RBFOX1: variants seen among roughly 807,000 people sequenced by gnomAD.
RBFOX1 encodes the protein RNA binding protein fox-1 homolog 1.
Under a neutral mutation model 57.7 loss-of-function variants are expected in RBFOX1, and 8 were observed. That is an observed-to-expected ratio of 0.14 (90% CI 0.08 to 0.25). RBFOX1 has a LOEUF of 0.25. Ranked by LOEUF, RBFOX1 falls within the 10% of genes least tolerant of loss-of-function variation. RBFOX1 has a pLI of 1.00. For synonymous variants in RBFOX1, 326 were observed against 222.4 expected, an observed-to-expected ratio of 1.47 and a Z score of -4.15; for missense variants, 611 against 548.5, an observed-to-expected ratio of 1.11 and a Z score of -1.14.
intron 2 of RBFOX1, among the ~76,000 whole-genome samples, chr16:6,565,743 C>T (rs1035990631): frequency 2.6e-5 from 4 of 152,212 alleles, no homozygotes; most frequent in Non-Finnish European, 5.9e-5. Flanking sequence ...GCTGGGATTA[C>T]AGGTGTGAGT....
chr16:6,486,659 A>ATT (rs71145235), intron 2 of RBFOX1, among the ~76,000 whole-genome samples: 4,548 of 148,816 alleles, frequency 0.031, 238 homozygotes, highest in African/African-American at 0.1. Flanking sequence ...TAATTTTATT[A>ATT]TTTTTTTTTT....
intron 4 of RBFOX1, among the ~76,000 whole-genome samples, chr16:5,929,033 TAAAAAAA>T (rs3041579): frequency 1.6e-5 from 2 of 127,064 alleles, no homozygotes; most frequent in Non-Finnish European, 3.3e-5. Context: ...CTTTCCAATT[TAAAAAAA>T]AAAAAAAAAA....
chr16:6,033,588 TTG>T (rs139964947), intron 1 of RBFOX1, among the ~76,000 whole-genome samples: 11 of 151,682 alleles, frequency 7.3e-5, no homozygotes, highest in South Asian at 2.1e-4. Flanking sequence ...TTCCCTCTCA[TTG>T]TGTGTGTGTG....
At chr16:7,167,746 C>G (rs2079860947) in intron 4 of RBFOX1, among the ~76,000 whole-genome samples, 1 of 152,186 alleles carries the variant, frequency 6.6e-6, no homozygotes, top group South Asian at 2.1e-4. Context: ...GACAGAAACA[C>G]AGCCTTATTC....
chr16:7,159,192 A>C (rs1040346570), intron 4 of RBFOX1, among the ~76,000 whole-genome samples: 41 of 152,094 alleles, frequency 2.7e-4, no homozygotes, highest in African/African-American at 9.2e-4. Flanking sequence ...GCATGTGCTA[A>C]TAGTTGATTG....
intron 2 of RBFOX1, among the ~76,000 whole-genome samples, chr16:6,451,449 G>C (rs763378945): frequency 1.3e-5 from 2 of 152,108 alleles, no homozygotes; most frequent in African/African-American, 2.4e-5. Context: ...GGAATATGGA[G>C]ATGCAAGGAG....
chr16:6,862,137 C>G (rs1008793120), intron 3 of RBFOX1, among the ~76,000 whole-genome samples: 1 of 152,094 alleles, frequency 6.6e-6, no homozygotes, highest in Admixed American at 6.6e-5. Context: ...ACAATAACAA[C>G]AAAAGAGTTT....
At chr16:5,445,641 T>A (rs1424376981) in intron 1 of RBFOX1, among the ~76,000 whole-genome samples, 3 of 152,194 alleles carry the variant, frequency 2.0e-5, no homozygotes, top group Non-Finnish European at 4.4e-5. Context: ...TCTCCCAATT[T>A]ATTTCTGTAG....
At chr16:6,642,071 G>C (rs555710211) in intron 2 of RBFOX1, among the ~76,000 whole-genome samples, 2 of 152,288 alleles carry the variant, frequency 1.3e-5, no homozygotes, top group South Asian at 2.1e-4. Context: ...TGAGGGTGCA[G>C]CTACGGAGAG....
chr16:6,229,597 T>A (rs1176907052), intron 1 of RBFOX1, among the ~76,000 whole-genome samples: 1 of 152,028 alleles, frequency 6.6e-6, no homozygotes, highest in East Asian at 1.9e-4. Context: ...GAGTATGAGC[T>A]AATAGTACTG....
chr16:6,160,543 C>G (rs2096870623), intron 1 of RBFOX1, among the ~76,000 whole-genome samples: 3 of 152,182 alleles, frequency 2.0e-5, no homozygotes. Context: ...ACCAGAGCCT[C>G]ATACACAGAT....
intron 1 of RBFOX1, among the ~76,000 whole-genome samples, chr16:5,313,455 C>T (rs532018329): frequency 1.3e-5 from 2 of 152,288 alleles, no homozygotes; most frequent in East Asian, 1.9e-4. Context: ...CAAACAGGAT[C>T]ATCTACATAT....
At chr16:6,833,674 C>T (rs977434328) in intron 3 of RBFOX1, among the ~76,000 whole-genome samples, 1 of 152,200 alleles carries the variant, frequency 6.6e-6, no homozygotes, top group African/African-American at 2.4e-5. Context: ...CTAGAATTGA[C>T]TGGATGCCAA....
chr16:5,441,401 G>C (rs376350467), intron 1 of RBFOX1, among the ~76,000 whole-genome samples: 1 of 141,758 alleles, frequency 7.1e-6, no homozygotes, highest in African/African-American at 2.6e-5. Flanking sequence ...GTCTCGCAGT[G>C]TCACCTAGGC....
chr16:6,424,765 C>T (rs1232751991), intron 2 of RBFOX1, among the ~76,000 whole-genome samples: 1 of 152,110 alleles, frequency 6.6e-6, no homozygotes, highest in African/African-American at 2.4e-5. Flanking sequence ...AATAATTCCT[C>T]TTCTAAGATG....
chr16:6,585,328 A>T (rs908564155), intron 2 of RBFOX1, among the ~76,000 whole-genome samples: 3 of 152,156 alleles, frequency 2.0e-5, no homozygotes, highest in African/African-American at 7.2e-5. Context: ...CATTACACAC[A>T]TTTATGGTGT....
At position 7,449,464 on chromosome 16, in the gene RBFOX1, C is replaced by A. The variant is rs190025403; in HGVS notation, c.28-68683C>A. The stretch of plus-strand genomic sequence containing the variant: ...GAGTGAGCCCTGCTTAGTTATCATC[C>A]AGGTTTCACTAACGCGCCCCTTGCC... On this transcript the variant is annotated intron_variant, in intron 4 of 15. Coordinates refer to ENST00000550418, the MANE Select transcript of RBFOX1 (RefSeq NM_018723.4). Among the ~76,000 whole-genome samples the A allele has an allele frequency of 2.0e-5, 3 of 152,206 alleles. No homozygotes were observed. The East Asian group carries it at 5.8e-4, about 30-fold the overall frequency.
chr16:6,959,577 C>G (rs1345801809), intron 3 of RBFOX1, among the ~76,000 whole-genome samples: 4 of 152,196 alleles, frequency 2.6e-5, no homozygotes, highest in African/African-American at 7.2e-5. Flanking sequence ...GCAGGTCTCC[C>G]TCAAGGCTGA....
At chr16:7,697,925 C>T (rs2079306016) in intron 14 of RBFOX1, among the ~76,000 whole-genome samples, 1 of 152,154 alleles carries the variant, frequency 6.6e-6, no homozygotes, top group Non-Finnish European at 1.5e-5. Flanking sequence ...GGCTTGTCCC[C>T]TTCAGGCAGC....
Sources: gnomAD v4.1 joint callset for allele counts (sites outside exome capture counted in the v4.1 genomes callset) on GRCh38, gnomAD v4.1.1 for gene constraint, MANE v1.5 for transcripts, NCBI Gene and HGNC (gene_info 2026-07-23, HGNC 2026-07-21) for gene names.